Variants in CCDC93 observed in about 807,000 individuals in gnomAD.
The protein encoded by CCDC93 is coiled-coil domain-containing protein 93.
Under a neutral mutation model 108.2 loss-of-function variants are expected in CCDC93, and 61 were observed. The observed-to-expected ratio is 0.56, with a 90% CI of 0.46 to 0.70. CCDC93 has a LOEUF of 0.70. CCDC93 is among the 30% of genes least tolerant of loss of function. The pLI is 0.00. For synonymous variants in CCDC93, 276 were observed against 260.4 expected, an observed-to-expected ratio of 1.06 and a Z score of -0.58; for missense variants, 685 against 764.2, an observed-to-expected ratio of 0.90 and a Z score of 1.22.
At chr2:117,974,813 A>C in intron 10 of CCDC93, 37 bp downstream of exon 10, 1 of 1,515,160 alleles carries the variant, frequency 6.6e-7, no homozygotes, top group Non-Finnish European at 9.0e-7. Flanking sequence ...GGGTGGTGCC[A>C]AGTCCCCATC....
intron 17 of CCDC93, chr2:117,944,932 T>C: frequency 2.5e-6 from 1 of 403,768 alleles, no homozygotes. Context: ...CGGAGAGCAC[T>C]GGTTTAACTC....
intron 22 of CCDC93, among the ~76,000 whole-genome samples, chr2:117,933,824 G>A (rs1284097877): frequency 6.6e-6 from 1 of 151,994 alleles, no homozygotes; most frequent in Non-Finnish European, 1.5e-5. Flanking sequence ...TCTGAGAACT[G>A]CTCTTTGACT....
Position 117,974,897 on chromosome 2 carries a change from G to A in CCDC93, c.754C>T (p.Arg252Cys), listed in dbSNP as rs146540432. Residue 252 changes from arginine (R) to cysteine (C), a missense_variant, in exon 10 of 24, where the codon CGT becomes TGT. Coordinates refer to ENST00000376300, the MANE Select transcript of CCDC93 (RefSeq NM_019044.5). Reference sequence around the variant, plus strand: ...ATCTTGGTCATCAGCGACTGAATACGCTGCTGAAAGAGGAATGGAAGGGAG... The same window carrying A: ...ATCTTGGTCATCAGCGACTGAATACACTGCTGAAAGAGGAATGGAAGGGAG... ...EDELRAAEEQ[R>C]IQSLMTKMTA... 97 of 1,562,436 alleles carry A rather than the reference G, an allele frequency of 6.2e-5. No individual in the cohort carries two copies. Among genetic ancestry groups the A allele is most frequent in the East Asian group, 2.4e-5 (1 of 41,972 alleles).
At chr2:117,946,696 G>C in intron 16 of CCDC93, 115 bp downstream of exon 16, 1 of 695,198 alleles carries the variant, frequency 1.4e-6, no homozygotes, top group Admixed American at 2.5e-5. Flanking sequence ...AAACAGTTGA[G>C]GAATGTCTAT....
At chr2:117,932,043 G>A (rs1023194262) in intron 22 of CCDC93, among the ~76,000 whole-genome samples, 29 of 152,074 alleles carry the variant, frequency 1.9e-4, no homozygotes, top group Admixed American at 1.6e-3. Context: ...AAAATGACAC[G>A]GGGGGAGGTG....
chr2:117,936,628 G>A, intron 21 of CCDC93, 74 bp downstream of exon 21: 1 of 1,130,290 alleles, frequency 8.8e-7, no homozygotes, highest in African/African-American at 1.5e-5. Context: ...GCACATTATA[G>A]CAATGTGAGG....
At chr2:117,984,904 G>A (rs1680265660) in intron 7 of CCDC93, among the ~76,000 whole-genome samples, 1 of 152,120 alleles carries the variant, frequency 6.6e-6, no homozygotes, top group Non-Finnish European at 1.5e-5. Context: ...TTCTCACTTG[G>A]CTGTTGTTGT....
At chr2:117,947,918 T>A in intron 15 of CCDC93, 187 bp downstream of exon 15, 2 of 555,986 alleles carry the variant, frequency 3.6e-6, no homozygotes, top group Non-Finnish European at 6.5e-6. Flanking sequence ...ATGGTCTCGA[T>A]CTCCTGACCT....
intron 23 of CCDC93, among the ~76,000 whole-genome samples, chr2:117,928,344 A>AT (rs1162284774): frequency 6.6e-6 from 1 of 151,994 alleles, no homozygotes; most frequent in Non-Finnish European, 1.5e-5. Context: ...ATGGGAGAAA[A>AT]TTTTTGCAAT....
At chr2:117,920,460 A>G (rs1558763225) in intron 23 of CCDC93, 64 bp from the exon 24 acceptor site, 2 of 1,165,540 alleles carry the variant, frequency 1.7e-6, no homozygotes, top group African/African-American at 1.5e-5. Context: ...TGAGGCCAAG[A>G]TGGTCTCAAA....
At chr2:117,939,198 G>C in intron 19 of CCDC93, 87 bp from the exon 20 acceptor site, 5 of 787,382 alleles carry the variant, frequency 6.4e-6, no homozygotes, top group Non-Finnish European at 1.1e-5. Flanking sequence ...GCACTGCCAG[G>C]ACAACTTTGT....
chr2:118,006,213 G>T (rs956989730), intron 3 of CCDC93, among the ~76,000 whole-genome samples: 3 of 152,140 alleles, frequency 2.0e-5, no homozygotes, highest in African/African-American at 4.8e-5. Flanking sequence ...ACGGATAAAA[G>T]AACTGAGGCC....
At chr2:117,957,988 T>C (rs1043204887) in intron 12 of CCDC93, among the ~76,000 whole-genome samples, 2 of 152,226 alleles carry the variant, frequency 1.3e-5, no homozygotes, top group Non-Finnish European at 2.9e-5. Flanking sequence ...TTCATCCCAA[T>C]AGCTAGTTCA....
rs148598195 is a variant in CCDC93, at chr2:117,949,159, CAG to C, written c.1142+161_1142+162del. 3.1e-3 allele frequency among the ~76,000 whole-genome samples: 476 copies of C among 152,346 alleles called. 5 individuals are homozygous for C. The highest frequency in any genetic ancestry group is 0.011 in the African/African-American group (455 of 41,574). On this transcript the variant is annotated intron_variant, in intron 14 of 23. Transcript: ENST00000376300. The stretch of plus-strand genomic sequence containing the variant: ...GCAGCCCAGGCACATCTCAGCATGG[CAG>C]AGTCACCACTTTCTGGATGAACAGT...
At chr2:117,995,743 T>C (rs1680627492) in intron 5 of CCDC93, 2 of 410,698 alleles carry the variant, frequency 4.9e-6, no homozygotes, top group Non-Finnish European at 8.8e-6. Context: ...GAATAGTGCT[T>C]AAGACGAGAG....
At chr2:117,954,247 G>A (rs529673379) in intron 12 of CCDC93, among the ~76,000 whole-genome samples, 1 of 152,268 alleles carries the variant, frequency 6.6e-6, no homozygotes, top group East Asian at 1.9e-4. Context: ...ACATGACATT[G>A]TAACTGTGGG....
chr2:118,013,902 G>A (rs1019687452), intron 1 of CCDC93, 52 bp downstream of exon 1: 17 of 1,479,772 alleles, frequency 1.1e-5, no homozygotes, highest in Admixed American at 4.5e-5. Context: ...CCCGCGGCTC[G>A]GCCCTCTCTT....
chr2:118,001,595 T>C (rs6727991), intron 3 of CCDC93, among the ~76,000 whole-genome samples: 1 of 151,424 alleles, frequency 6.6e-6, no homozygotes, highest in Non-Finnish European at 1.5e-5. Context: ...GACCTTTCTC[T>C]AACACCTCGC....
intron 6 of CCDC93, among the ~76,000 whole-genome samples, chr2:117,989,242 T>TAG (rs1029263447): frequency 1.8e-4 from 28 of 152,340 alleles, no homozygotes; most frequent in African/African-American, 6.5e-4. Context: ...GGGCTCTTCA[T>TAG]AGGTCTCTGA....
Sources: allele counts gnomAD v4.1 joint callset (sites outside exome capture counted in the v4.1 genomes callset), GRCh38; gene constraint gnomAD v4.1.1; transcripts MANE v1.5; gene names NCBI Gene and HGNC (gene_info 2026-07-23, HGNC 2026-07-21).